Variants in DNAJB6 observed in about 807,000 individuals in gnomAD.
DNAJB6 encodes the protein DnaJ heat shock protein family (Hsp40) member B6, also known as dnaJ homolog subfamily B member 6.
In DNAJB6, 16 loss-of-function variants were observed where a neutral mutation model predicts 42.7. The observed-to-expected ratio is 0.37, with a 90% CI of 0.25 to 0.57. The LOEUF (loss-of-function observed/expected upper bound fraction) is 0.57. Among genes scored for constraint, DNAJB6 ranks in the 20% least tolerant of loss-of-function variants. The pLI, the probability that DNAJB6 is intolerant of heterozygous loss-of-function variation, is 0.74. For synonymous variants in DNAJB6, 170 were observed against 163.5 expected, an observed-to-expected ratio of 1.04 and a Z score of -0.30; for missense variants, 347 against 416.8, an observed-to-expected ratio of 0.83 and a Z score of 1.46.
At chr7:157,347,001 G>A (rs1222271815) in intron 1 of DNAJB6, among the ~76,000 whole-genome samples, 3 of 152,252 alleles carry the variant, frequency 2.0e-5, no homozygotes, top group South Asian at 4.1e-4. Context: ...GACTACAGGC[G>A]CCCGCCACCA....
chr7:157,415,892 G>T, intron 9 of DNAJB6, 124 bp from the exon 10 acceptor site: 2 of 1,561,352 alleles, frequency 1.3e-6, no homozygotes, highest in African/African-American at 2.7e-5. Context: ...CTGTGGCCAA[G>T]ATAGATGACT....
intron 8 of DNAJB6, among the ~76,000 whole-genome samples, chr7:157,387,873 T>G (rs900512187): frequency 4.6e-5 from 7 of 152,032 alleles, no homozygotes; most frequent in Admixed American, 2.6e-4. Flanking sequence ...TGAGACGGAG[T>G]CTTGCTCTGT....
At chr7:157,341,545 CTTAAA>C (rs1177765128) in intron 1 of DNAJB6, among the ~76,000 whole-genome samples, 2 of 152,206 alleles carry the variant, frequency 1.3e-5, no homozygotes, top group East Asian at 1.9e-4. Context: ...CCACCAAAGG[CTTAAA>C]TTAAAAGTGT....
At chr7:157,411,012 G>A (rs1795951456) in intron 9 of DNAJB6, 3 of 152,248 alleles carry the variant, frequency 2.0e-5, no homozygotes, top group Admixed American at 2.0e-4. Context: ...TGCCGCCTGT[G>A]GGTGGGCACG....
intron 1 of DNAJB6, among the ~76,000 whole-genome samples, chr7:157,353,861 A>G (rs1418715599): frequency 1.2e-4 from 18 of 151,576 alleles, no homozygotes. Context: ...CAGAGTTCTC[A>G]CTGTGTTTCC....
At chr7:157,344,322 C>T (rs1798571808) in intron 1 of DNAJB6, among the ~76,000 whole-genome samples, 1 of 151,824 alleles carries the variant, frequency 6.6e-6, no homozygotes, top group Admixed American at 6.6e-5. Context: ...CTGCACTCTG[C>T]CTGGGTGACA....
chr7:157,401,386 T>G (rs1439828618), intron 8 of DNAJB6, among the ~76,000 whole-genome samples: 2 of 152,128 alleles, frequency 1.3e-5, no homozygotes, highest in Non-Finnish European at 2.9e-5. Context: ...CCGCTAATTT[T>G]GTATTTTTAG....
intron 1 of DNAJB6, among the ~76,000 whole-genome samples, chr7:157,345,390 C>T (rs1412451031): frequency 6.6e-6 from 1 of 152,154 alleles, no homozygotes; most frequent in Non-Finnish European, 1.5e-5. Context: ...ACATGGCTCA[C>T]AGCATCCTTG....
At chr7:157,382,149 TA>T (rs1800813103) in intron 5 of DNAJB6, 96 bp from the exon 6 acceptor site, 9 of 1,378,964 alleles carry the variant, frequency 6.5e-6, no homozygotes, top group Non-Finnish European at 7.7e-6. Flanking sequence ...TGTTCCTGAA[TA>T]TGTTACAAAC....
chr7:157,355,337 T>A (rs562649161), intron 1 of DNAJB6, among the ~76,000 whole-genome samples: 1 of 152,276 alleles, frequency 6.6e-6, no homozygotes, highest in Admixed American at 6.5e-5. Flanking sequence ...ATTTTTTGTA[T>A]TTTTAGTAGA....
At chr7:157,385,480 T>G (rs1801004996) in intron 7 of DNAJB6, 61 bp from the exon 8 acceptor site, 1 of 1,551,058 alleles carries the variant, frequency 6.4e-7, no homozygotes, top group African/African-American at 1.4e-5. Flanking sequence ...AACAACTTAG[T>G]TACCCTCACA....
Position 157,367,407 on chromosome 7 carries a change from C to G in DNAJB6, c.270C>G (p.Gly90=), listed in dbSNP as rs1276589300. Residue 90 remains glycine (G), a synonymous_variant, in exon 5 of 10, where the codon GGC becomes GGG. Coordinates refer to ENST00000262177, the MANE Select transcript of DNAJB6 (RefSeq NM_058246.4). ...ATTTTGACAGTCCATTTGAATTTGG[C>G]TTCACATTCCGTAACCCAGATGATG... is the stretch of plus-strand genomic sequence containing the variant. ...GSHFDSPFEF[G]FTFRNPDDVF... is the part of the protein sequence containing the mutation. 1 of 1,613,360 alleles carries G rather than the reference C, an allele frequency of 6.2e-7. No homozygotes were observed. The highest frequency in any genetic ancestry group is 1.1e-5 in the South Asian group (1 of 91,074).
intron 1 of DNAJB6, among the ~76,000 whole-genome samples, chr7:157,343,214 G>A (rs1180135414): frequency 6.6e-6 from 1 of 151,506 alleles, no homozygotes; most frequent in Non-Finnish European, 1.5e-5. Flanking sequence ...AGGCAGGAGT[G>A]CAGTGGCACT....
intron 3 of DNAJB6, 36 bp from the exon 4 acceptor site, chr7:157,366,466 G>A: frequency 6.3e-7 from 1 of 1,595,918 alleles, no homozygotes; most frequent in East Asian, 2.2e-5. Context: ...GGTTTAAAAG[G>A]AACTTGGCCT....
chr7:157,400,806 G>A (rs1467556166), intron 8 of DNAJB6, among the ~76,000 whole-genome samples: 6 of 152,240 alleles, frequency 3.9e-5, no homozygotes, highest in African/African-American at 1.4e-4. Flanking sequence ...CTTTCTGGAA[G>A]TGAGTTGGTC....
At chr7:157,409,231 T>A (rs1207727898) in intron 8 of DNAJB6, among the ~76,000 whole-genome samples, 1 of 152,030 alleles carries the variant, frequency 6.6e-6, no homozygotes, top group Non-Finnish European at 1.5e-5. Flanking sequence ...AGCCGGCCCG[T>A]CTTGGGTGTG....
chr7:157,343,661 C>G (rs1798534430), intron 1 of DNAJB6, among the ~76,000 whole-genome samples: 1 of 152,164 alleles, frequency 6.6e-6, no homozygotes, highest in African/African-American at 2.4e-5. Context: ...GTTGGCCATG[C>G]TGTTCTCAAA....
chr7:157,364,159 T>G (rs1369632879), intron 3 of DNAJB6, among the ~76,000 whole-genome samples: 1 of 151,960 alleles, frequency 6.6e-6, no homozygotes, highest in Non-Finnish European at 1.5e-5. Flanking sequence ...GAGCCGAGAT[T>G]GCGCCACTGC....
At position 157,349,589 on chromosome 7, in the gene DNAJB6, C is replaced by CCTCCCA. The variant is rs569828619; in HGVS notation, c.-26-8956_-26-8951dup. The stretch of plus-strand genomic sequence containing the variant: ...CCTAGACCTCCTGGGCTCAAGCCAT[C>CCTCCCA]CTCCCACCTCAGCCTCCCGAGTAGC... On this transcript the variant is annotated intron_variant, in intron 1 of 9. Transcript: ENST00000262177. 4.2e-3 allele frequency among the ~76,000 whole-genome samples: 644 copies of CCTCCCA among 152,090 alleles called. 5 individuals are homozygous for CCTCCCA. The highest frequency in any genetic ancestry group is 0.015 in the African/African-American group (614 of 41,494).
Sources: gnomAD v4.1 joint callset for allele counts (sites outside exome capture counted in the v4.1 genomes callset) on GRCh38, gnomAD v4.1.1 for gene constraint, MANE v1.5 for transcripts, NCBI Gene and HGNC (gene_info 2026-07-23, HGNC 2026-07-21) for gene names.